Variants in MTOR observed in about 807,000 individuals in gnomAD.
MTOR encodes the protein mechanistic target of rapamycin kinase, also known as serine/threonine-protein kinase mTOR.
A neutral mutation model predicts 319.8 loss-of-function variants in MTOR; 70 were observed. The ratio of observed to expected loss-of-function variants is 0.22; its 90% CI spans 0.18 to 0.27. The LOEUF (loss-of-function observed/expected upper bound fraction) is 0.27. Among genes scored for constraint, MTOR ranks in the 10% least tolerant of loss-of-function variants. The probability of loss-of-function intolerance (pLI) is 1.00; values close to 1 mark genes in which losing one functional copy is unlikely to be tolerated. For synonymous variants in MTOR, 1,183 were observed against 1,211.4 expected (o/e 0.98, Z 0.49); for missense variants, 1,890 against 3,274.4 (o/e 0.58, Z 10.32).
At chr1:11,180,531 C>T (rs544915071) in intron 28 of MTOR, among the ~76,000 whole-genome samples, 35 of 152,246 alleles carry the variant, frequency 2.3e-4, no homozygotes, top group Non-Finnish European at 4.1e-4. Context: ...GGCCTGTTTT[C>T]CAGTTTGTGG....
At chr1:11,162,763 T>G (rs1459568308) in intron 29 of MTOR, among the ~76,000 whole-genome samples, 1 of 152,094 alleles carries the variant, frequency 6.6e-6, no homozygotes, top group Non-Finnish European at 1.5e-5. Flanking sequence ...CAGGCCTGCC[T>G]TACAAGAGCT....
At chr1:11,114,563 G>T in intron 52 of MTOR, 110 bp from the exon 53 acceptor site, 2 of 1,450,122 alleles carry the variant, frequency 1.4e-6, no homozygotes, top group South Asian at 2.6e-5. Context: ...CCATGTTGAC[G>T]TATCAGGGTG....
intron 28 of MTOR, among the ~76,000 whole-genome samples, chr1:11,183,628 T>C (rs955799577): frequency 2.0e-5 from 3 of 152,214 alleles, no homozygotes; most frequent in Non-Finnish European, 4.4e-5. Flanking sequence ...TCCTTTATGA[T>C]TGGTGTTTTT....
chr1:11,194,586 TAAC>T (rs1557829337), intron 28 of MTOR: 6 of 1,614,138 alleles, frequency 3.7e-6, no homozygotes, highest in East Asian at 2.2e-5. Flanking sequence ...TCCAGTATCA[TAAC>T]AACACAGCCT....
At chr1:11,189,677 A>G in intron 28 of MTOR, 1 of 1,614,188 alleles carries the variant, frequency 6.2e-7, no homozygotes, top group Non-Finnish European at 8.5e-7. Flanking sequence ...TCTAAGCACA[A>G]GACACCAGCA....
chr1:11,112,799 A>G (rs1641959412), intron 54 of MTOR, 53 bp downstream of exon 54: 7 of 1,597,082 alleles, frequency 4.4e-6, no homozygotes, highest in African/African-American at 2.7e-5. Context: ...CCCACTCTAC[A>G]AACACTCTGC....
At chr1:11,123,941 C>A (rs1039219544) in intron 47 of MTOR, among the ~76,000 whole-genome samples, 2 of 152,144 alleles carry the variant, frequency 1.3e-5, no homozygotes, top group African/African-American at 4.8e-5. Context: ...GTGGCCGCCA[C>A]CACGCCCAGC....
chr1:11,238,766 CTTTT>C (rs35144517), intron 11 of MTOR, 149 bp from the exon 12 acceptor site: 11 of 477,100 alleles, frequency 2.3e-5, no homozygotes, highest in Non-Finnish European at 3.3e-5. Context: ...CGGAACTCTT[CTTTT>C]TTTTTTTTTT....
At chr1:11,157,073 G>A (rs2100565726) in intron 30 of MTOR, 79 bp downstream of exon 30, 1 of 1,481,974 alleles carries the variant, frequency 6.7e-7, no homozygotes, top group African/African-American at 1.4e-5. Flanking sequence ...CCGTGTGGGG[G>A]AAGCCTTCCT....
chr1:11,217,604 G>T (rs559801375), intron 19 of MTOR, among the ~76,000 whole-genome samples: 1 of 150,750 alleles, frequency 6.6e-6, no homozygotes, highest in East Asian at 2.0e-4. Flanking sequence ...GTAGAGACAG[G>T]GTTTCACCGT....
intron 49 of MTOR, among the ~76,000 whole-genome samples, 200 bp from the exon 50 acceptor site, chr1:11,117,286 G>T (rs1169663890): frequency 6.6e-6 from 1 of 152,142 alleles, no homozygotes; most frequent in Non-Finnish European, 1.5e-5. Context: ...TCAGCCTCCT[G>T]AGTAGCTGAG....
At chr1:11,157,555 T>C (rs187253606) in intron 29 of MTOR, among the ~76,000 whole-genome samples, 1 of 152,292 alleles carries the variant, frequency 6.6e-6, no homozygotes, top group East Asian at 1.9e-4. Flanking sequence ...TCCTCCCCCA[T>C]TATTTCCTTC....
At chr1:11,196,288 A>T (rs1645780609) in intron 28 of MTOR, among the ~76,000 whole-genome samples, 2 of 152,250 alleles carry the variant, frequency 1.3e-5, no homozygotes, top group South Asian at 4.1e-4. Context: ...CTCGGGGCTA[A>T]CCAAGTAAAA....
chr1:11,209,162 A>G, intron 25 of MTOR, 150 bp downstream of exon 25: 2 of 927,024 alleles, frequency 2.2e-6, no homozygotes, highest in Non-Finnish European at 3.2e-6. Flanking sequence ...CACCTGTAAA[A>G]AGACAAAATG....
At chr1:11,142,039 T>A (rs1295893752) in intron 34 of MTOR, among the ~76,000 whole-genome samples, 10 of 151,546 alleles carry the variant, frequency 6.6e-5, no homozygotes, top group African/African-American at 2.2e-4. Context: ...AATAAAATAA[T>A]AAAAAAGTGA....
At chr1:11,116,152 G>A (rs1446877776) in intron 50 of MTOR, among the ~76,000 whole-genome samples, 1 of 152,082 alleles carries the variant, frequency 6.6e-6, no homozygotes, top group Non-Finnish European at 1.5e-5. Context: ...CTGAACATTC[G>A]TAAATTACAT....
chr1:11,106,833 G>C lies in MTOR; in HGVS notation c.*652C>G. 3 of 1,307,952 alleles carry C rather than the reference G, an allele frequency of 2.3e-6. No individual in the cohort carries two copies. Among genetic ancestry groups the C allele is most frequent in the Non-Finnish European group, 3.0e-6 (3 of 1,007,240 alleles). 81.0% of individuals were successfully genotyped at this position (1,307,952 alleles called of 1,614,324 possible). A position where few individuals can be genotyped will look rare whatever the true frequency, so the allele number is the denominator to read the frequency against. On this transcript the variant is annotated 3_prime_UTR_variant, in exon 58 of 58. Transcript: ENST00000361445. ...ATCCCCTCTGTGCATCTGCTCAGCCGAGGCTGCCAGCGATCTGAATAAACC... is the reference window on the plus strand; with the variant it reads ...ATCCCCTCTGTGCATCTGCTCAGCCCAGGCTGCCAGCGATCTGAATAAACC...
intron 31 of MTOR, among the ~76,000 whole-genome samples, chr1:11,149,766 T>G (rs187497830): frequency 1.3e-5 from 2 of 152,188 alleles, no homozygotes; most frequent in South Asian, 2.1e-4. Context: ...AATGAACTAC[T>G]TGACACCCCA....
intron 49 of MTOR, among the ~76,000 whole-genome samples, chr1:11,119,410 CA>C (rs537175848): frequency 4.0e-4 from 58 of 143,344 alleles, no homozygotes; most frequent in South Asian, 8.8e-4. Context: ...ATTAAAAATA[CA>C]AAAAAAAAAA....
Sources: gnomAD v4.1 joint callset for allele counts (sites outside exome capture counted in the v4.1 genomes callset) on GRCh38, gnomAD v4.1.1 for gene constraint, MANE v1.5 for transcripts, NCBI Gene and HGNC (gene_info 2026-07-23, HGNC 2026-07-21) for gene names.